The following NUP93 variants were observed in gnomAD, a reference collection of about 807,000 sequenced individuals.
NUP93 encodes nucleoporin 93.
In NUP93, 55 loss-of-function variants were observed where a neutral mutation model predicts 107.8. That is an observed-to-expected ratio of 0.51 (90% confidence interval 0.41 to 0.64). The LOEUF is 0.64. Ranked by LOEUF, NUP93 falls within the 30% of genes least tolerant of loss-of-function variation. The pLI, the probability that NUP93 is intolerant of heterozygous loss-of-function variation, is 0.00. For synonymous variants in NUP93, 390 were observed against 397.5 expected (o/e 0.98, Z 0.22); for missense variants, 937 against 1,044.7 (o/e 0.90, Z 1.42).
chr16:56,842,616 G>A (rs576421784), intron 21 of NUP93: 61 of 448,994 alleles, frequency 1.4e-4, no homozygotes, highest in African/African-American at 8.6e-4. Context: ...GCAATGACAC[G>A]ATCTCAGCTC....
intron 21 of NUP93, chr16:56,842,771 TCGAA>T (rs1170731440): frequency 2.9e-6 from 1 of 347,640 alleles, no homozygotes; most frequent in Non-Finnish European, 5.7e-6. Context: ...CAGACTGGTC[TCGAA>T]CTCCTGAGCT....
At chr16:56,758,071 AG>A (rs59245542) in intron 2 of NUP93, among the ~76,000 whole-genome samples, 46,880 of 150,536 alleles carry the variant, frequency 0.31, 7,630 homozygotes, top group East Asian at 0.46. Context: ...ACTCTGTCTC[AG>A]AAAAAAAAAA....
intron 12 of NUP93, 134 bp downstream of exon 12, chr16:56,832,522 AAC>A: frequency 1.5e-6 from 1 of 658,092 alleles, no homozygotes; most frequent in Middle Eastern, 2.6e-4. Flanking sequence ...GTCAAGGCAA[AAC>A]ACAACAAAAC....
At chr16:56,809,775 A>C (rs1191573231) in intron 5 of NUP93, among the ~76,000 whole-genome samples, 1 of 152,194 alleles carries the variant, frequency 6.6e-6, no homozygotes, top group East Asian at 1.9e-4. Flanking sequence ...CTAGCCCCCA[A>C]ATAAACAGAT....
At chr16:56,814,003 A>G (rs1453317030) in intron 5 of NUP93, among the ~76,000 whole-genome samples, 1 of 152,116 alleles carries the variant, frequency 6.6e-6, no homozygotes, top group Non-Finnish European at 1.5e-5. Context: ...GTAGTACTGG[A>G]CTTTTGCCTA....
intron 3 of NUP93, among the ~76,000 whole-genome samples, chr16:56,794,569 T>C (rs190819538): frequency 7.4e-4 from 104 of 141,240 alleles, no homozygotes; most frequent in African/African-American, 2.6e-3. Flanking sequence ...ATTTGTGTTG[T>C]AAGTGTGTGT....
intron 1 of NUP93, among the ~76,000 whole-genome samples, chr16:56,732,276 G>A (rs1314119708): frequency 6.6e-6 from 1 of 152,184 alleles, no homozygotes; most frequent in Non-Finnish European, 1.5e-5. Context: ...TCACTGATGT[G>A]TTCCTAGCAC....
At chr16:56,827,502 G>A (rs959831188) in intron 8 of NUP93, among the ~76,000 whole-genome samples, 6 of 152,256 alleles carry the variant, frequency 3.9e-5, no homozygotes, top group South Asian at 2.1e-4. Flanking sequence ...AAATTGTAAC[G>A]GAGAAATCTG....
Position 56,748,328 on chromosome 16 carries a change from C to T in NUP93, c.81C>T (p.Pro27=). 1 of 1,614,054 alleles carries T rather than the reference C, an allele frequency of 6.2e-7. No individual in the cohort carries two copies. Among genetic ancestry groups the T allele is most frequent in the African/African-American group, 1.3e-5 (1 of 75,038 alleles). ...AGACTGAGGGCATCTCAGAGCTTCC[C>T]CATGTGGAACGGAACTTACAGGAGA... ...AAETEGISEL[P]HVERNLQEIQ... The change falls in exon 2 of 22, where the codon CCC becomes CCT. Residue 27 remains proline, a synonymous_variant. Transcript: ENST00000308159.
chr16:56,791,739 G>T (rs1163811504), intron 3 of NUP93, among the ~76,000 whole-genome samples: 1 of 152,136 alleles, frequency 6.6e-6, no homozygotes. Context: ...TTACGTTCTG[G>T]GTTGTTCTTT....
chr16:56,846,054 A>T lies in NUP93; in HGVS notation c.*1445A>T, dbSNP rs1251072874. On this transcript the variant is annotated 3_prime_UTR_variant, in exon 22 of 22. Coordinates refer to ENST00000308159, the MANE Select transcript of NUP93 (RefSeq NM_014669.5). ...GCCCTGCAGAGGCCTTGATTTAGCA[A>T]GTTGTGCCCTGCTTATATGTGCTGA... 1 of 152,152 alleles carries T rather than the reference A, an allele frequency of 6.6e-6. No homozygotes were observed. The highest frequency in any genetic ancestry group is 1.5e-5 in the Non-Finnish European group (1 of 68,032). The allele number at this position is 152,152 out of a possible 1,614,324, so 9.4% of individuals were successfully genotyped here.
At position 56,830,661 on chromosome 16, in the gene NUP93, A is replaced by C; in HGVS notation, c.1061A>C (p.Glu354Ala). 2 of 1,599,638 alleles carry C rather than the reference A, an allele frequency of 1.3e-6. No individual in the cohort carries two copies. Among genetic ancestry groups the C allele is most frequent in the South Asian group, 1.1e-5 (1 of 90,214 alleles). ...QLGEFKTWFQ[E>A]YMNSKDRRLS... ...GGAGAGTTTAAAACCTGGTTCCAGG[A>C]GTACATGAACAGCAAGGACAGAAGG... The change falls in exon 10 of 22, where the codon GAG becomes GCG. Residue 354 changes from glutamate to alanine, a missense_variant. By Grantham distance (107) the Glu-to-Ala change is moderately radical. Coordinates refer to ENST00000308159, the MANE Select transcript of NUP93 (RefSeq NM_014669.5).
rs537222486 is a variant in NUP93 at position 56,753,514 on chromosome 16, C to T, written c.180-5024C>T. Among the ~76,000 whole-genome samples, 6 of 152,312 alleles carry T rather than the reference C, an allele frequency of 3.9e-5. No individual in the cohort carries two copies. In the East Asian group the frequency reaches 1.2e-3, roughly 29 times the overall value. ...AATGGATCAACAGCATCAGCATCAA[C>T]CATGAGCTTTTTAGTAATGGAGACT... On this transcript the variant is annotated intron_variant, in intron 2 of 21. Coordinates refer to ENST00000308159, the MANE Select transcript of NUP93 (RefSeq NM_014669.5).
intron 5 of NUP93, among the ~76,000 whole-genome samples, chr16:56,805,990 C>G (rs1463236821): frequency 6.6e-6 from 1 of 151,016 alleles, no homozygotes; most frequent in Non-Finnish European, 1.5e-5. Context: ...AGATTTACGC[C>G]TGCAGCCTTG....
chr16:56,771,198 A>C (rs1431425150), intron 3 of NUP93, among the ~76,000 whole-genome samples: 6 of 152,190 alleles, frequency 3.9e-5, no homozygotes, highest in African/African-American at 1.2e-4. Flanking sequence ...ACATCATCAT[A>C]ATCTTTTCAT....
intron 3 of NUP93, among the ~76,000 whole-genome samples, chr16:56,794,563 G>A (rs113485262): frequency 0.11 from 16,593 of 146,688 alleles, 1,114 homozygotes; most frequent in Middle Eastern, 0.24. Flanking sequence ...CTTTGCATTT[G>A]TGTTGTAAGT....
chr16:56,769,708 G>A lies in NUP93; in HGVS notation c.297+11053G>A, dbSNP rs114858570. 1.0e-3 allele frequency among the ~76,000 whole-genome samples: 153 copies of A among 152,214 alleles called. 2 individuals carry two copies. Among genetic ancestry groups the A allele is most frequent in the African/African-American group, 3.7e-3 (153 of 41,534 alleles). On this transcript the variant is annotated intron_variant, in intron 3 of 21. Transcript: ENST00000308159. The stretch of plus-strand genomic sequence containing the variant: ...CTTCTTGCTTGATCATCTTTGTTTT[G>A]TTTTGCTTCTGAAGCTGAACTTGAG...
chr16:56,844,597 C>T lies in NUP93; in HGVS notation c.2448C>T (p.Val816=), dbSNP rs770802035. 1.7e-5 allele frequency: 27 copies of T among 1,590,970 alleles called. No homozygotes were observed. The highest frequency in any genetic ancestry group is 2.3e-5 in the Non-Finnish European group (27 of 1,168,704). ...DTNARLVQME[V]LMN ...ATGCGAGGCTGGTGCAGATGGAGGT[C>T]CTCATGAATTAAGTGCCATGCTTTG... Residue 816 remains valine, a synonymous_variant, in exon 22 of 22, where the codon GTC becomes GTT. Coordinates refer to ENST00000308159, the MANE Select transcript of NUP93 (RefSeq NM_014669.5).
chr16:56,775,622 G>C (rs1306703339), intron 3 of NUP93, among the ~76,000 whole-genome samples: 1 of 152,182 alleles, frequency 6.6e-6, no homozygotes, highest in Non-Finnish European at 1.5e-5. Context: ...CTGGGCCATT[G>C]TTTTTAAAAC....
Sources: gnomAD v4.1 joint callset for allele counts (sites outside exome capture counted in the v4.1 genomes callset) on GRCh38, gnomAD v4.1.1 for gene constraint, MANE v1.5 for transcripts, NCBI Gene and HGNC (gene_info 2026-07-23, HGNC 2026-07-21) for gene names.